Variants in NUS1 observed in about 807,000 individuals in gnomAD.
NUS1 encodes NUS1 dehydrodolichyl diphosphate synthase subunit.
For synonymous variants in NUS1, 135 were observed against 155.2 expected (o/e 0.87, Z 0.97); for missense variants, 292 against 382.9 (o/e 0.76, Z 1.98).
chr6:117,676,216 A>G (rs1462846993), intron 1 of NUS1, 131 bp downstream of exon 1: 12 of 1,384,780 alleles, frequency 8.7e-6, no homozygotes, highest in Admixed American at 2.5e-5. Context: ...GCTTTCGAGG[A>G]AGGGAGATCA....
intron 1 of NUS1, among the ~76,000 whole-genome samples, chr6:117,687,947 G>C (rs1773163929): frequency 6.6e-6 from 1 of 152,190 alleles, no homozygotes; most frequent in African/African-American, 2.4e-5. Context: ...TGGGCCGGTT[G>C]CTCATGCCTG....
At chr6:117,704,916 A>C (rs1482023708) in intron 4 of NUS1, among the ~76,000 whole-genome samples, 1 of 152,172 alleles carries the variant, frequency 6.6e-6, no homozygotes, top group East Asian at 1.9e-4. Flanking sequence ...TGTAGAATTG[A>C]TGCTTGAGTG....
intron 1 of NUS1, among the ~76,000 whole-genome samples, chr6:117,690,902 C>G (rs115188642): frequency 0.061 from 9,091 of 149,472 alleles, 344 homozygotes; most frequent in African/African-American, 0.087. Context: ...ATCGCATGAA[C>G]CCAGGAGGCG....
intron 4 of NUS1, 60 bp from the exon 5 acceptor site, chr6:117,706,865 T>A (rs1045417691): frequency 7.2e-5 from 95 of 1,327,722 alleles, no homozygotes; most frequent in Middle Eastern, 5.5e-4. Flanking sequence ...TATCTTCTGG[T>A]TCCCCCCTAC....
chr6:117,675,613 G>C lies in NUS1; in HGVS notation c.-58G>C. ...CGCCGGCCGCAGGGGCGGATAAAAAGCCGTCGCGCTGCGGGAGTGGGCGGG... is the reference window on the plus strand; with the variant it reads ...CGCCGGCCGCAGGGGCGGATAAAAACCCGTCGCGCTGCGGGAGTGGGCGGG... On this transcript the variant is annotated 5_prime_UTR_variant, in exon 1 of 5. Transcript: ENST00000368494. 2 of 1,408,876 alleles carry C rather than the reference G, an allele frequency of 1.4e-6. No homozygotes were observed. Among genetic ancestry groups the C allele is most frequent in the Non-Finnish European group, 1.9e-6 (2 of 1,039,086 alleles). The allele number at this position is 1,408,876 out of a possible 1,614,324, so 87.3% of individuals were successfully genotyped here.
intron 3 of NUS1, among the ~76,000 whole-genome samples, chr6:117,697,661 A>T (rs796737103): frequency 6.6e-6 from 1 of 151,944 alleles, no homozygotes; most frequent in Non-Finnish European, 1.5e-5. Flanking sequence ...ATATAAAGCC[A>T]ATATTAATAG....
intron 1 of NUS1, among the ~76,000 whole-genome samples, chr6:117,690,562 C>T (rs1478371942): frequency 6.6e-6 from 1 of 152,174 alleles, no homozygotes; most frequent in African/African-American, 2.4e-5. Context: ...TATATGACCT[C>T]TTTTGAACTC....
At position 117,675,941 on chromosome 6, in the gene NUS1, G is replaced by C; in HGVS notation, c.271G>C (p.Gly91Arg). 1 of 1,545,818 alleles carries C rather than the reference G, an allele frequency of 6.5e-7. No homozygotes were observed. The highest frequency in any genetic ancestry group is 1.2e-5 in the South Asian group (1 of 83,900). The change falls in exon 1 of 5, where the codon GGT (glycine) becomes CGT (arginine). Residue 91 changes from glycine (G) to arginine (R), a missense_variant. Gly to Arg is a moderately radical substitution (Grantham distance 125). Transcript: ENST00000368494. ...AHHRMRWRAD[G>R]RSLEKLPVHM... ...CCACCGGATGCGCTGGCGCGCGGAC[G>C]GTCGTTCCTTGGAGAAGCTGCCTGT...
At chr6:117,680,020 G>A (rs531918959) in intron 1 of NUS1, among the ~76,000 whole-genome samples, 37 of 152,186 alleles carry the variant, frequency 2.4e-4, no homozygotes, top group East Asian at 1.9e-4. Context: ...ACTTAAATTC[G>A]TTCTAATTAT....
intron 1 of NUS1, among the ~76,000 whole-genome samples, chr6:117,690,861 C>T (rs1372353262): frequency 2.0e-5 from 3 of 151,030 alleles, no homozygotes; most frequent in East Asian, 2.0e-4. Context: ...GGCATGGTGG[C>T]GCATGCCTGT....
intron 1 of NUS1, among the ~76,000 whole-genome samples, chr6:117,691,346 C>T (rs548676583): frequency 6.6e-6 from 1 of 151,942 alleles, no homozygotes; most frequent in Admixed American, 6.6e-5. Context: ...GTTTTTTTAA[C>T]ATTCCGAACT....
intron 3 of NUS1, among the ~76,000 whole-genome samples, chr6:117,698,207 A>G (rs998570192): frequency 6.6e-6 from 1 of 152,110 alleles, no homozygotes; most frequent in Admixed American, 6.5e-5. Flanking sequence ...TGAATTTGAA[A>G]TGAAAAAGTC....
At chr6:117,692,972 A>T in intron 1 of NUS1, 70 bp from the exon 2 acceptor site, 2 of 1,287,580 alleles carry the variant, frequency 1.6e-6, no homozygotes, top group Non-Finnish European at 2.2e-6. Context: ...TGTTGTTTTC[A>T]TAGCAAGCAT....
Position 117,693,200 on chromosome 6 carries a change from T to C in NUS1, c.541+33T>C, listed in dbSNP as rs1431043376. The C allele has an allele frequency of 7.5e-6, 12 of 1,591,142 alleles. No individual in the cohort carries two copies. In the African/African-American group the frequency reaches 1.5e-4, roughly 20 times the overall value. ...TGAGTGTATAATTGAACATGTAACA[T>C]ATGAAGATGTGTGTTTTGTGTTTCA... On this transcript the variant is annotated intron_variant, in intron 2 of 4. Transcript: ENST00000368494.
At chr6:117,678,101 C>T (rs1773009939) in intron 1 of NUS1, among the ~76,000 whole-genome samples, 1 of 152,116 alleles carries the variant, frequency 6.6e-6, no homozygotes, top group Admixed American at 6.5e-5. Flanking sequence ...TATCCTGTGT[C>T]ATAGTTGCTA....
At chr6:117,704,712 G>A (rs900468266) in intron 4 of NUS1, among the ~76,000 whole-genome samples, 2 of 152,136 alleles carry the variant, frequency 1.3e-5, no homozygotes, top group Non-Finnish European at 2.9e-5. Flanking sequence ...TGCAGGCATA[G>A]CACTTTACTA....
At chr6:117,676,232 A>T in intron 1 of NUS1, 147 bp downstream of exon 1, 1 of 1,237,336 alleles carries the variant, frequency 8.1e-7, no homozygotes, top group Admixed American at 2.7e-5. Context: ...GATCAGCTTT[A>T]TTGAACACCT....
intron 1 of NUS1, among the ~76,000 whole-genome samples, chr6:117,684,929 C>T (rs1207797797): frequency 6.6e-6 from 1 of 152,142 alleles, no homozygotes; most frequent in Non-Finnish European, 1.5e-5. Flanking sequence ...ATCATATACA[C>T]TAGGATTACA....
At position 117,709,809 on chromosome 6, in the gene NUS1, CTT is replaced by C. The variant is rs1051811417; in HGVS notation, c.*2797_*2798del. 1.8e-4 allele frequency: 28 copies of C among 152,610 alleles called. No individual in the cohort carries two copies. The highest frequency in any genetic ancestry group is 6.5e-4 in the African/African-American group (27 of 41,538). The allele number at this position is 152,610 out of a possible 1,614,324, so 9.5% of individuals were successfully genotyped here. A position where few individuals can be genotyped will look rare whatever the true frequency, so the allele number is the denominator to read the frequency against. On this transcript the variant is annotated 3_prime_UTR_variant, in exon 5 of 5. Transcript: ENST00000368494. ...ACAAAAACCAATAAAAGAATATACTCTTTTCATTGACTATAGTATTATGTGAA... is the reference window on the plus strand; with the variant it reads ...ACAAAAACCAATAAAAGAATATACTCTTCATTGACTATAGTATTATGTGAA...
Sources: allele counts gnomAD v4.1 joint callset (sites outside exome capture counted in the v4.1 genomes callset), GRCh38; gene constraint gnomAD v4.1.1; transcripts MANE v1.5; gene names NCBI Gene and HGNC (gene_info 2026-07-23, HGNC 2026-07-21).